Variants in ZFHX4 observed in about 807,000 individuals in gnomAD.
The protein encoded by ZFHX4 is zinc finger homeobox 4.
A neutral mutation model predicts 267.6 loss-of-function variants in ZFHX4; 56 were observed. The ratio of observed to expected loss-of-function variants is 0.21; its 90% CI spans 0.17 to 0.26. The LOEUF is 0.26. Ranked by LOEUF, ZFHX4 falls within the 10% of genes least tolerant of loss-of-function variation. The pLI, the probability that ZFHX4 is intolerant of heterozygous loss-of-function variation, is 1.00. For synonymous variants in ZFHX4, 1,778 were observed against 1,665.6 expected (o/e 1.07, Z -1.64); for missense variants, 4,332 against 4,420.0 (o/e 0.98, Z 0.56).
intron 3 of ZFHX4, among the ~76,000 whole-genome samples, chr8:76,729,266 C>T (rs1808935482): frequency 6.6e-6 from 1 of 151,994 alleles, no homozygotes; most frequent in African/African-American, 2.4e-5. Context: ...ATCGTGTGTG[C>T]CTTCTGCTTT....
chr8:76,770,662 C>T (rs938979245), intron 3 of ZFHX4, among the ~76,000 whole-genome samples: 1 of 151,788 alleles, frequency 6.6e-6, no homozygotes, highest in Non-Finnish European at 1.5e-5. Context: ...GATAAGCATT[C>T]CAAAGAAAAC....
intron 3 of ZFHX4, among the ~76,000 whole-genome samples, chr8:76,726,822 A>G (rs1312961631): frequency 6.6e-6 from 1 of 152,228 alleles, no homozygotes; most frequent in South Asian, 2.1e-4. Context: ...AAAAACTCTC[A>G]TAAAGCAGAG....
At chr8:76,828,652 T>TAGA (rs1300377868) in intron 4 of ZFHX4, among the ~76,000 whole-genome samples, 2 of 152,142 alleles carry the variant, frequency 1.3e-5, no homozygotes, top group Non-Finnish European at 2.9e-5. Context: ...ATAGCTCCAG[T>TAGA]AGAAGTGGGA....
chr8:76,708,726 T>C (rs1385522848), intron 3 of ZFHX4, among the ~76,000 whole-genome samples: 1 of 152,228 alleles, frequency 6.6e-6, no homozygotes, highest in East Asian at 1.9e-4. Context: ...TGTGCACATG[T>C]ACTGAATACG....
chr8:76,847,125 C>CT (rs1563555458), intron 6 of ZFHX4, among the ~76,000 whole-genome samples: 1 of 152,164 alleles, frequency 6.6e-6, no homozygotes, highest in Non-Finnish European at 1.5e-5. Flanking sequence ...TGGTTTGACA[C>CT]TTTAAGCAGT....
intron 3 of ZFHX4, among the ~76,000 whole-genome samples, chr8:76,752,692 C>CA (rs550537362): frequency 1.3e-5 from 2 of 151,370 alleles, no homozygotes; most frequent in African/African-American, 2.4e-5. Flanking sequence ...CAAAACAATA[C>CA]AAAAAACAAA....
intron 1 of ZFHX4, among the ~76,000 whole-genome samples, chr8:76,702,367 T>G (rs1217551946): frequency 2.6e-5 from 4 of 152,226 alleles, no homozygotes; most frequent in African/African-American, 9.6e-5. Context: ...CTGATCACTT[T>G]CTCTCTGATT....
In ZFHX4 at chr8:76,864,734, G is replaced by A; in HGVS notation, c.*169G>A. The A allele has an allele frequency of 3.9e-6, 2 of 512,838 alleles. No homozygotes were observed. Among genetic ancestry groups the A allele is most frequent in the South Asian group, 4.0e-5 (1 of 25,160 alleles). The allele number at this position is 512,838 out of a possible 1,614,324, so 31.8% of individuals were successfully genotyped here. A position where few individuals can be genotyped will look rare whatever the true frequency, so the allele number is the denominator to read the frequency against. On this transcript the variant is annotated 3_prime_UTR_variant, in exon 11 of 11. Coordinates refer to ENST00000651372, the MANE Select transcript of ZFHX4 (RefSeq NM_024721.5). Reference sequence around the variant, plus strand: ...ATATGCTGGCAATATAGGATGGTATGTAATGGACAGAACTGATGCAGATGG... The same window carrying A: ...ATATGCTGGCAATATAGGATGGTATATAATGGACAGAACTGATGCAGATGG...
At chr8:76,701,017 A>C (rs1242914027) in intron 1 of ZFHX4, among the ~76,000 whole-genome samples, 1 of 152,062 alleles carries the variant, frequency 6.6e-6, no homozygotes, top group Non-Finnish European at 1.5e-5. Flanking sequence ...CTTTATCGTA[A>C]ATTTCTTAAA....
At chr8:76,823,317 G>A (rs908263559) in intron 4 of ZFHX4, among the ~76,000 whole-genome samples, 1 of 152,086 alleles carries the variant, frequency 6.6e-6, no homozygotes, top group Admixed American at 6.5e-5. Flanking sequence ...TGTCTCAGAA[G>A]CCATTTTTTC....
chr8:76,727,853 G>T (rs201606930), intron 3 of ZFHX4, among the ~76,000 whole-genome samples: 1 of 152,078 alleles, frequency 6.6e-6, no homozygotes, highest in East Asian at 1.9e-4. Flanking sequence ...ACAATAGAAC[G>T]TTCCTCCCCG....
At chr8:76,720,135 GA>G (rs1808680031) in intron 3 of ZFHX4, among the ~76,000 whole-genome samples, 1 of 152,032 alleles carries the variant, frequency 6.6e-6, no homozygotes, top group African/African-American at 2.4e-5. Flanking sequence ...ATCCCAAGAA[GA>G]AATCCTGTAC....
intron 3 of ZFHX4, among the ~76,000 whole-genome samples, chr8:76,739,523 G>A (rs1027709237): frequency 3.9e-5 from 6 of 151,992 alleles, no homozygotes; most frequent in Non-Finnish European, 5.9e-5. Context: ...ATATCTAGTG[G>A]GGCAGGCAAG....
intron 5 of ZFHX4, among the ~76,000 whole-genome samples, chr8:76,842,233 G>A (rs184248171): frequency 2.0e-5 from 3 of 151,978 alleles, no homozygotes; most frequent in Admixed American, 6.6e-5. Context: ...TTATATAACC[G>A]TTGTTATATT....
In ZFHX4 at chr8:76,864,094, A is replaced by G; in HGVS notation, c.10380A>G (p.Glu3460=). ...GTGATGTGGCTATCAGTGGGAATGA[A>G]GCACTTAGCCAACACCTCCAGTCAA... ...LACDVAISGN[E]ALSQHLQSSL... is the part of the protein sequence containing the mutation. Residue 3460 remains glutamate, a synonymous_variant, in exon 11 of 11, where the codon GAA becomes GAG. Coordinates refer to ENST00000651372, the MANE Select transcript of ZFHX4 (RefSeq NM_024721.5). 1 of 1,613,822 alleles carries G rather than the reference A, an allele frequency of 6.2e-7. No individual in the cohort carries two copies. The highest frequency in any genetic ancestry group is 8.5e-7 in the Non-Finnish European group (1 of 1,179,848).
chr8:76,712,240 C>T (rs1179489730), intron 3 of ZFHX4, among the ~76,000 whole-genome samples: 2 of 152,078 alleles, frequency 1.3e-5, no homozygotes, highest in Non-Finnish European at 2.9e-5. Flanking sequence ...GGGTTTTTCT[C>T]ATTATCCATG....
intron 8 of ZFHX4, chr8:76,849,953 T>C: frequency 1.7e-6 from 1 of 586,458 alleles, no homozygotes; most frequent in East Asian, 2.8e-5. Context: ...TTTATATCTA[T>C]AATGTTCATC....
At chr8:76,799,970 G>T (rs1040333639) in intron 4 of ZFHX4, among the ~76,000 whole-genome samples, 2 of 152,158 alleles carry the variant, frequency 1.3e-5, no homozygotes, top group South Asian at 2.1e-4. Context: ...TTCTGTAAAG[G>T]TGGGGCTTAT....
Position 76,850,262 on chromosome 8 carries a change from G to A in ZFHX4, c.3864G>A (p.Val1288=), listed in dbSNP as rs750144200. 10 of 1,612,796 alleles carry A rather than the reference G, an allele frequency of 6.2e-6. No individual in the cohort carries two copies. In the East Asian group the frequency reaches 8.9e-5, roughly 14 times the overall value. Residue 1288 remains valine, a synonymous_variant, in exon 9 of 11, where the codon GTG becomes GTA. Coordinates refer to ENST00000651372, the MANE Select transcript of ZFHX4 (RefSeq NM_024721.5). ...TTCCAAAGGTGCCTGTCCCTGATGTGATGATGCCAAACAGTATGCTACTGC... is the reference window on the plus strand; with the variant it reads ...TTCCAAAGGTGCCTGTCCCTGATGTAATGATGCCAAACAGTATGCTACTGC... ...KLLMTVPVPD[V]MMPNSMLLPA...
Sources: gnomAD v4.1 joint callset for allele counts (sites outside exome capture counted in the v4.1 genomes callset) on GRCh38, gnomAD v4.1.1 for gene constraint, MANE v1.5 for transcripts, NCBI Gene and HGNC (gene_info 2026-07-23, HGNC 2026-07-21) for gene names.